CCSER1: variants seen among roughly 807,000 people sequenced by gnomAD.
The protein encoded by CCSER1 is coiled-coil serine rich protein 1.
CCSER1 carries 41 observed loss-of-function variants against 82.0 expected under a neutral mutation model. That is an observed-to-expected ratio of 0.50 (90% CI 0.39 to 0.65). The LOEUF (loss-of-function observed/expected upper bound fraction) is 0.65. Among genes scored for constraint, CCSER1 ranks in the 30% least tolerant of loss-of-function variants. The pLI, the probability that CCSER1 is intolerant of heterozygous loss-of-function variation, is 0.00. For missense variants in CCSER1, 1,119 were observed against 1,064.2 expected, an observed-to-expected ratio of 1.05 and a Z score of -0.72; for synonymous variants, 414 against 383.9, an observed-to-expected ratio of 1.08 and a Z score of -0.92.
intron 5 of CCSER1, among the ~76,000 whole-genome samples, chr4:90,490,574 G>GT (rs774517522): frequency 4.7e-4 from 71 of 152,138 alleles, no homozygotes; most frequent in Non-Finnish European, 9.6e-4. Context: ...TGCTTTTGGT[G>GT]TTTATACATG....
chr4:90,323,147 C>T (rs1182432389), intron 3 of CCSER1, among the ~76,000 whole-genome samples: 1 of 152,086 alleles, frequency 6.6e-6, no homozygotes, highest in East Asian at 1.9e-4. Context: ...AAGACAAAAT[C>T]CTCTGTACTC....
intron 1 of CCSER1, among the ~76,000 whole-genome samples, chr4:90,163,614 T>A (rs1729896529): frequency 6.6e-6 from 1 of 152,160 alleles, no homozygotes; most frequent in Admixed American, 6.5e-5. Flanking sequence ...TAGTATCTAA[T>A]TTAATTCACA....
intron 10 of CCSER1, among the ~76,000 whole-genome samples, chr4:91,365,646 CAATT>C (rs1036998307): frequency 2.4e-4 from 36 of 152,174 alleles, no homozygotes; most frequent in South Asian, 4.2e-4. Flanking sequence ...TTTTTTAAAA[CAATT>C]AAATTATTTT....
chr4:90,861,221 A>T lies in CCSER1; in HGVS notation c.2094+45376A>T, dbSNP rs113823435. ...CTGAGTTTTCTGGATTTAAAATTGA[A>T]TGCAGAATTGTCTACTAATGATATG... On this transcript the variant is annotated intron_variant, in intron 8 of 10. Transcript: ENST00000509176. 5.3e-3 allele frequency among the ~76,000 whole-genome samples: 803 copies of T among 151,830 alleles called. 9 individuals carry two copies. Among genetic ancestry groups the T allele is most frequent in the African/African-American group, 0.018 (751 of 41,512 alleles).
intron 1 of CCSER1, among the ~76,000 whole-genome samples, chr4:90,182,668 T>G (rs1733931517): frequency 6.6e-6 from 1 of 152,148 alleles, no homozygotes; most frequent in Admixed American, 6.6e-5. Flanking sequence ...TTAGTAAAAG[T>G]AGTTCCCCTC....
At chr4:91,230,430 A>T (rs1738532025) in intron 10 of CCSER1, among the ~76,000 whole-genome samples, 1 of 151,856 alleles carries the variant, frequency 6.6e-6, no homozygotes, top group Non-Finnish European at 1.5e-5. Context: ...TGTAAGGTCG[A>T]CACTAACAAA....
chr4:91,217,718 A>T (rs1007156867), intron 10 of CCSER1, among the ~76,000 whole-genome samples: 1 of 151,288 alleles, frequency 6.6e-6, no homozygotes, highest in Non-Finnish European at 1.5e-5. Flanking sequence ...CGATTGGTGT[A>T]TTTACAATCC....
At chr4:90,332,817 C>G (rs1739568992) in intron 3 of CCSER1, among the ~76,000 whole-genome samples, 1 of 152,100 alleles carries the variant, frequency 6.6e-6, no homozygotes, top group Admixed American at 6.6e-5. Context: ...AAGTAAGTAT[C>G]AAAATCTGCA....
At chr4:90,935,149 A>G (rs989605337) in intron 9 of CCSER1, among the ~76,000 whole-genome samples, 11 of 152,068 alleles carry the variant, frequency 7.2e-5, no homozygotes, top group Middle Eastern at 3.2e-3. Flanking sequence ...TATGATTTCA[A>G]TGTTCATTGC....
At chr4:90,876,666 C>A (rs1218507562) in intron 8 of CCSER1, among the ~76,000 whole-genome samples, 1 of 152,060 alleles carries the variant, frequency 6.6e-6, no homozygotes, top group Non-Finnish European at 1.5e-5. Context: ...CCCATTCAAT[C>A]CCATTCATAT....
intron 7 of CCSER1, among the ~76,000 whole-genome samples, chr4:90,727,761 C>A (rs1743930688): frequency 6.6e-6 from 1 of 152,118 alleles, no homozygotes; most frequent in Non-Finnish European, 1.5e-5. Flanking sequence ...TTATCATGAG[C>A]CATGTTCTTT....
At position 91,315,150 on chromosome 4, in the gene CCSER1, A is replaced by AGT. The variant is rs67135461; in HGVS notation, c.2217+229185_2217+229186dup. On this transcript the variant is annotated intron_variant, in intron 10 of 10. Coordinates refer to ENST00000509176, the MANE Select transcript of CCSER1 (RefSeq NM_001145065.2). ...ACTTCTAGATAGAACCGTGTGTGCA[A>AGT]GTGTGTGTGTGTGTGTGTGTGTGTG... 4.1e-3 allele frequency among the ~76,000 whole-genome samples: 617 copies of AGT among 149,680 alleles called. 4 individuals are homozygous for AGT. Among genetic ancestry groups the AGT allele is most frequent in the African/African-American group, 0.014 (568 of 40,826 alleles).
intron 5 of CCSER1, among the ~76,000 whole-genome samples, chr4:90,610,383 G>A (rs745970081): frequency 3.8e-4 from 58 of 152,072 alleles, no homozygotes; most frequent in African/African-American, 1.3e-3. Flanking sequence ...TGCCCTTCTC[G>A]AGTCATGCCC....
intron 10 of CCSER1, among the ~76,000 whole-genome samples, chr4:91,207,745 C>T (rs1357367303): frequency 6.6e-6 from 1 of 151,838 alleles, no homozygotes; most frequent in Non-Finnish European, 1.5e-5. Context: ...GGTATATACC[C>T]AGTAGTGGTA....
rs1203052749 is a variant in CCSER1, at chr4:90,233,702, G to A, written c.-41-74542G>A. On this transcript the variant is annotated intron_variant, in intron 1 of 10. Coordinates refer to ENST00000509176, the MANE Select transcript of CCSER1 (RefSeq NM_001145065.2). ...CAATCTTGAGGGTATAAAAGCCTTC[G>A]CAGTGAAGTGGCCATAAAAAAAAAA... Among the ~76,000 whole-genome samples the A allele has an allele frequency of 3.0e-4, 44 of 148,420 alleles. 1 individual carries two copies. Among genetic ancestry groups the A allele is most frequent in the African/African-American group, 9.4e-4 (38 of 40,436 alleles).
chr4:91,336,686 G>A (rs754785524), intron 10 of CCSER1, among the ~76,000 whole-genome samples: 31 of 151,970 alleles, frequency 2.0e-4, no homozygotes, highest in Admixed American at 4.6e-4. Flanking sequence ...AATATGTATT[G>A]ATATTTATTC....
chr4:90,707,109 G>A (rs1327371973), intron 6 of CCSER1, among the ~76,000 whole-genome samples: 1 of 151,952 alleles, frequency 6.6e-6, no homozygotes, highest in Non-Finnish European at 1.5e-5. Context: ...CCCAACCCCA[G>A]CACACTCTTG....
chr4:90,252,271 T>C (rs1316443647), intron 1 of CCSER1, among the ~76,000 whole-genome samples: 2 of 151,890 alleles, frequency 1.3e-5, no homozygotes, highest in African/African-American at 4.8e-5. Flanking sequence ...CTGGAGCATA[T>C]TGTATTTTCA....
intron 6 of CCSER1, among the ~76,000 whole-genome samples, chr4:90,698,197 T>C (rs1216954879): frequency 6.6e-6 from 1 of 152,086 alleles, no homozygotes; most frequent in Non-Finnish European, 1.5e-5. Flanking sequence ...GGGACTTAAG[T>C]AGGGGTGATA....
Sources: allele counts gnomAD v4.1 joint callset (sites outside exome capture counted in the v4.1 genomes callset), GRCh38; gene constraint gnomAD v4.1.1; transcripts MANE v1.5; gene names NCBI Gene and HGNC (gene_info 2026-07-23, HGNC 2026-07-21).